SDK1: variants seen among roughly 807,000 people sequenced by gnomAD.
SDK1 encodes sidekick cell adhesion molecule 1.
In SDK1, 157 loss-of-function variants were observed where a neutral mutation model predicts 245.5. The ratio of observed to expected loss-of-function variants is 0.64; its 90% CI spans 0.56 to 0.73. The LOEUF is 0.73. SDK1 is among the 30% of genes least tolerant of loss of function. The pLI, the probability that SDK1 is intolerant of heterozygous loss-of-function variation, is 0.00. For missense variants in SDK1, 3,583 were observed against 3,002.3 expected, an observed-to-expected ratio of 1.19 and a Z score of -4.52; for synonymous variants, 1,647 against 1,278.5, an observed-to-expected ratio of 1.29 and a Z score of -6.15.
intron 1 of SDK1, among the ~76,000 whole-genome samples, chr7:3,393,413 G>C (rs972981610): frequency 1.3e-5 from 2 of 152,122 alleles, no homozygotes; most frequent in African/African-American, 2.4e-5. Context: ...AAATGTTTGA[G>C]AGTTCCAACT....
intron 5 of SDK1, among the ~76,000 whole-genome samples, chr7:3,862,648 C>A (rs1488506627): frequency 1.3e-5 from 2 of 152,194 alleles, no homozygotes; most frequent in Non-Finnish European, 2.9e-5. Context: ...CTTATTTTCA[C>A]TTCAAATGTC....
At chr7:3,901,367 T>C (rs1203791242) in intron 5 of SDK1, among the ~76,000 whole-genome samples, 2 of 152,088 alleles carry the variant, frequency 1.3e-5, no homozygotes, top group Non-Finnish European at 2.9e-5. Flanking sequence ...TTTGTTTTTT[T>C]AATAGAGACG....
rs1788412280 is a variant in SDK1, at chr7:4,265,466, C to G, written c.*82C>G. The stretch of plus-strand genomic sequence containing the variant: ...TTGTTAAGACAATCAACTCCAATAA[C>G]TGAGCTGAAGTTTTTGTTTAAAAAG... On this transcript the variant is annotated 3_prime_UTR_variant, in exon 45 of 45. Transcript: ENST00000404826. The G allele has an allele frequency of 7.2e-7, 1 of 1,381,504 alleles. No individual in the cohort carries two copies. Among genetic ancestry groups the G allele is most frequent in the Non-Finnish European group, 9.3e-7 (1 of 1,075,646 alleles). 85.6% of individuals were successfully genotyped at this position (1,381,504 alleles called of 1,614,324 possible).
At chr7:3,681,266 C>T (rs1480595383) in intron 4 of SDK1, among the ~76,000 whole-genome samples, 2 of 152,176 alleles carry the variant, frequency 1.3e-5, no homozygotes, top group Admixed American at 6.5e-5. Context: ...CTTCTTTGAA[C>T]ATAGTTTTTG....
intron 1 of SDK1, among the ~76,000 whole-genome samples, chr7:3,377,847 C>G (rs557985125): frequency 8.5e-5 from 13 of 152,234 alleles, no homozygotes; most frequent in Non-Finnish European, 1.2e-4. Context: ...GGCACGATCT[C>G]GGCTCACTGC....
rs1159686271 is a variant in SDK1 at position 4,139,487 on chromosome 7, GTA to G, written c.4229-6229_4229-6228del. 6.5e-4 allele frequency among the ~76,000 whole-genome samples: 85 copies of G among 131,494 alleles called. 10 individuals are homozygous for G. Among genetic ancestry groups the G allele is most frequent in the African/African-American group, 8.7e-4 (32 of 36,970 alleles). 86.3% of individuals were successfully genotyped at this position (131,494 alleles called of 152,430 possible). On this transcript the variant is annotated intron_variant, in intron 28 of 44. Transcript: ENST00000404826. ...TATATATGTGTGTGTATATGTGTGT[GTA>G]TATATGTGTGTGTGTATATGTATAT...
At chr7:3,428,829 A>C (rs1779749404) in intron 1 of SDK1, among the ~76,000 whole-genome samples, 1 of 152,350 alleles carries the variant, frequency 6.6e-6, no homozygotes, top group Admixed American at 6.5e-5. Flanking sequence ...GGAACAAATA[A>C]AAAATCCCTG....
intron 4 of SDK1, among the ~76,000 whole-genome samples, chr7:3,718,221 T>G (rs1420825120): frequency 6.6e-6 from 1 of 152,110 alleles, no homozygotes; most frequent in Non-Finnish European, 1.5e-5. Context: ...AACACTCAGC[T>G]GGTTGCGGTG....
chr7:3,782,914 T>A (rs1780788737), intron 4 of SDK1, among the ~76,000 whole-genome samples: 1 of 152,124 alleles, frequency 6.6e-6, no homozygotes, highest in South Asian at 2.1e-4. Context: ...AACAAGAACA[T>A]TATAAGAAAG....
At chr7:3,397,711 A>G (rs774298481) in intron 1 of SDK1, among the ~76,000 whole-genome samples, 1 of 152,056 alleles carries the variant, frequency 6.6e-6, no homozygotes, top group Non-Finnish European at 1.5e-5. Context: ...AATGTTTCTC[A>G]TCAAACTAGA....
chr7:4,059,409 T>C (rs1233658157), intron 19 of SDK1, among the ~76,000 whole-genome samples: 1 of 152,196 alleles, frequency 6.6e-6, no homozygotes, highest in Non-Finnish European at 1.5e-5. Context: ...ATTCTAAACA[T>C]ATATAGACCA....
At chr7:3,433,300 A>G (rs971050321) in intron 1 of SDK1, among the ~76,000 whole-genome samples, 1 of 152,216 alleles carries the variant, frequency 6.6e-6, no homozygotes, top group Non-Finnish European at 1.5e-5. Context: ...ATGCTTTCAC[A>G]CTTCAAAAGG....
chr7:3,995,625 C>T (rs748088681), intron 14 of SDK1, among the ~76,000 whole-genome samples: 1 of 152,184 alleles, frequency 6.6e-6, no homozygotes, highest in African/African-American at 2.4e-5. Flanking sequence ...TCCAACTACA[C>T]GAAGATACCC....
intron 1 of SDK1, among the ~76,000 whole-genome samples, chr7:3,522,939 G>A (rs1782991899): frequency 3.4e-5 from 1 of 29,662 alleles, no homozygotes; most frequent in African/African-American, 1.6e-4. Context: ...TTCAGTAAAG[G>A]TTAGGGGCAC....
intron 1 of SDK1, among the ~76,000 whole-genome samples, chr7:3,551,768 T>G (rs1211587894): frequency 6.6e-6 from 1 of 151,956 alleles, no homozygotes; most frequent in African/African-American, 2.4e-5. Flanking sequence ...CTGAGACTCG[T>G]GGGTTCGAGC....
chr7:4,095,903 G>A (rs1411330511), intron 22 of SDK1, among the ~76,000 whole-genome samples: 1 of 152,188 alleles, frequency 6.6e-6, no homozygotes, highest in Non-Finnish European at 1.5e-5. Flanking sequence ...GGCTAGCTAG[G>A]TGCCTGGAAT....
At chr7:3,862,138 C>A (rs369628049) in intron 5 of SDK1, among the ~76,000 whole-genome samples, 3 of 152,240 alleles carry the variant, frequency 2.0e-5, no homozygotes, top group Non-Finnish European at 4.4e-5. Context: ...CATCTACTTA[C>A]GCAATGCTTA....
intron 3 of SDK1, among the ~76,000 whole-genome samples, chr7:3,641,418 G>C (rs1458251280): frequency 3.9e-5 from 6 of 152,122 alleles, no homozygotes. Context: ...CCCAGATTAA[G>C]TCAACAGTAT....
chr7:3,730,435 C>G (rs920377701), intron 4 of SDK1, among the ~76,000 whole-genome samples: 3 of 152,084 alleles, frequency 2.0e-5, no homozygotes, highest in African/African-American at 7.2e-5. Context: ...TCTGTGTCTA[C>G]TTTTTCAAAA....
Sources: gnomAD v4.1 joint callset for allele counts (sites outside exome capture counted in the v4.1 genomes callset) on GRCh38, gnomAD v4.1.1 for gene constraint, MANE v1.5 for transcripts, NCBI Gene and HGNC (gene_info 2026-07-23, HGNC 2026-07-21) for gene names.